C13orf42: variants seen among roughly 807,000 people sequenced by gnomAD.
C13orf42 encodes the protein chromosome 13 open reading frame 42, also known as uncharacterized protein C13orf42.
At chr13:51,130,348 G>A (rs545862052) in intron 1 of C13orf42, among the ~76,000 whole-genome samples, 15 of 152,226 alleles carry the variant, frequency 9.9e-5, no homozygotes, top group African/African-American at 2.6e-4. Context: ...TGAAATTAGC[G>A]TGCCCCCTAT....
intron 1 of C13orf42, among the ~76,000 whole-genome samples, chr13:51,099,589 A>G (rs976323091): frequency 2.0e-5 from 3 of 152,216 alleles, no homozygotes; most frequent in Non-Finnish European, 4.4e-5. Flanking sequence ...GACTCACTGG[A>G]TCCAACTAAC....
chr13:51,127,319 T>C (rs1238772651), intron 1 of C13orf42, among the ~76,000 whole-genome samples: 3 of 152,202 alleles, frequency 2.0e-5, no homozygotes, highest in African/African-American at 7.2e-5. Flanking sequence ...ATCCTGATGA[T>C]AGCAACGAGG....
At chr13:51,162,193 G>C (rs1459664227) in intron 1 of C13orf42, 1 of 209,150 alleles carries the variant, frequency 4.8e-6, no homozygotes, top group East Asian at 1.2e-4. Flanking sequence ...TAATCATTCT[G>C]TATTTGTGTG....
intron 1 of C13orf42, among the ~76,000 whole-genome samples, chr13:51,117,656 G>A (rs114596916): frequency 6.6e-6 from 1 of 151,996 alleles, no homozygotes; most frequent in African/African-American, 2.4e-5. Context: ...ACATTCTCCT[G>A]CACCTACCTC....
intron 1 of C13orf42, among the ~76,000 whole-genome samples, chr13:51,118,608 C>T (rs1023664599): frequency 5.3e-5 from 8 of 152,168 alleles, no homozygotes; most frequent in South Asian, 2.1e-4. Flanking sequence ...CAGGCAGCCT[C>T]GGCTATCTGC....
chr13:51,170,463 G>A (rs1953939452), intron 1 of C13orf42, among the ~76,000 whole-genome samples: 1 of 152,128 alleles, frequency 6.6e-6, no homozygotes, highest in South Asian at 2.1e-4. Context: ...TTCGAATCCG[G>A]TAAGTGGCCT....
At chr13:51,168,366 C>A (rs1953918051) in intron 1 of C13orf42, among the ~76,000 whole-genome samples, 1 of 152,188 alleles carries the variant, frequency 6.6e-6, no homozygotes, top group Non-Finnish European at 1.5e-5. Context: ...CCTTCTCTCT[C>A]AATTTCAGCT....
chr13:51,094,047 A>G (rs1018508666), intron 1 of C13orf42, among the ~76,000 whole-genome samples: 3 of 152,126 alleles, frequency 2.0e-5, no homozygotes, highest in African/African-American at 7.2e-5. Flanking sequence ...TTTGATGCTC[A>G]CACTGTCCTG....
At position 51,084,256 on chromosome 13, in the gene C13orf42, A is replaced by C. The variant is rs1290631359; in HGVS notation, c.873T>G (p.Phe291Leu). Residue 291 changes from phenylalanine (F) to leucine (L), a missense_variant, in exon 4 of 4, where the codon TTT (phenylalanine) becomes TTG (leucine). By Grantham distance (22) the Phe-to-Leu change is conservative. Coordinates refer to ENST00000563710, the MANE Select transcript of C13orf42 (RefSeq NM_001351589.3). ...CAGGAGACAACTGGGGCTCCAACGC[A>C]AAGAGCTCTGCATCCCACTCCATAT... ...GEDMEWDAEL[F>L]ALEPQLSPGE... The C allele has an allele frequency of 5.0e-6, 2 of 398,718 alleles. No individual in the cohort carries two copies. The highest frequency in any genetic ancestry group is 7.1e-5 in the East Asian group (2 of 28,076). 24.7% of individuals were successfully genotyped at this position (398,718 alleles called of 1,614,324 possible).
At chr13:51,148,698 C>T (rs910458684) in intron 1 of C13orf42, among the ~76,000 whole-genome samples, 3 of 152,204 alleles carry the variant, frequency 2.0e-5, no homozygotes, top group Admixed American at 6.5e-5. Context: ...CACTGGGCAG[C>T]GACGTGCCTT....
chr13:51,160,368 C>T (rs1044939086), intron 1 of C13orf42, among the ~76,000 whole-genome samples: 2 of 152,092 alleles, frequency 1.3e-5, no homozygotes, highest in African/African-American at 4.8e-5. Flanking sequence ...TAATTAGCTG[C>T]GCATGGTGGC....
intron 1 of C13orf42, among the ~76,000 whole-genome samples, chr13:51,151,643 T>C (rs1047097235): frequency 1.3e-5 from 2 of 152,204 alleles, no homozygotes; most frequent in Non-Finnish European, 2.9e-5. Flanking sequence ...CAGAGACACA[T>C]AGTCCAGTAG....
At chr13:51,158,808 C>T (rs7333400) in intron 1 of C13orf42, among the ~76,000 whole-genome samples, 142,528 of 152,342 alleles carry the variant, frequency 0.94, 66,808 homozygotes, top group East Asian at 1. Context: ...TTCTGTGGAA[C>T]TGATTGCACC....
intron 1 of C13orf42, among the ~76,000 whole-genome samples, chr13:51,109,395 C>T (rs1480417505): frequency 2.0e-5 from 3 of 152,106 alleles, no homozygotes; most frequent in Non-Finnish European, 2.9e-5. Flanking sequence ...ATCTGGTCAT[C>T]AGGAAAATGA....
chr13:51,164,030 C>G (rs866582189), intron 1 of C13orf42, among the ~76,000 whole-genome samples: 2 of 152,128 alleles, frequency 1.3e-5, no homozygotes, highest in African/African-American at 2.4e-5. Flanking sequence ...AAAACAGGGG[C>G]AAAGAGTTGT....
chr13:51,143,834 C>T (rs937209255), intron 1 of C13orf42, among the ~76,000 whole-genome samples: 21 of 152,030 alleles, frequency 1.4e-4, no homozygotes, highest in African/African-American at 4.1e-4. Context: ...AAAAATTATA[C>T]GGGAAGCATT....
At chr13:51,122,997 T>C (rs1467480108) in intron 1 of C13orf42, among the ~76,000 whole-genome samples, 1 of 152,202 alleles carries the variant, frequency 6.6e-6, no homozygotes, top group Non-Finnish European at 1.5e-5. Context: ...AAAGATGGAT[T>C]GATACTTGTG....
chr13:51,163,889 G>A (rs977371781), intron 1 of C13orf42, among the ~76,000 whole-genome samples: 3 of 152,116 alleles, frequency 2.0e-5, no homozygotes, highest in Non-Finnish European at 2.9e-5. Flanking sequence ...CACCGCAAGT[G>A]TTTAGTGGAA....
At chr13:51,148,234 C>A (rs1953753489) in intron 1 of C13orf42, among the ~76,000 whole-genome samples, 4 of 152,248 alleles carry the variant, frequency 2.6e-5, no homozygotes, top group Admixed American at 2.6e-4. Flanking sequence ...CAGCAGCCTG[C>A]CTCCCAGTCC....
Sources: gnomAD v4.1 joint callset for allele counts (sites outside exome capture counted in the v4.1 genomes callset) on GRCh38, gnomAD v4.1.1 for gene constraint, MANE v1.5 for transcripts, NCBI Gene and HGNC (gene_info 2026-07-23, HGNC 2026-07-21) for gene names.